The following SLC25A37 variants were observed in gnomAD, a reference collection of about 807,000 sequenced individuals.
SLC25A37 encodes the protein solute carrier family 25 member 37, also known as mitoferrin-1.
In SLC25A37, 17 loss-of-function variants were observed where a neutral mutation model predicts 31.0. The observed-to-expected ratio is 0.55, with a 90% confidence interval of 0.38 to 0.82. SLC25A37 has a LOEUF of 0.82. Ranked by LOEUF, SLC25A37 falls within the 40% of genes least tolerant of loss-of-function variation. The probability of loss-of-function intolerance (pLI) is 0.00; values close to 1 mark genes in which losing one functional copy is unlikely to be tolerated. For missense variants in SLC25A37, 404 were observed against 465.8 expected, an observed-to-expected ratio of 0.87 and a Z score of 1.22; for synonymous variants, 222 against 193.0, an observed-to-expected ratio of 1.15 and a Z score of -1.24.
chr8:23,557,074 C>A (rs577825100), intron 1 of SLC25A37, among the ~76,000 whole-genome samples: 72 of 152,112 alleles, frequency 4.7e-4, no homozygotes, highest in Admixed American at 4.3e-3. Context: ...TGGTCTCGAA[C>A]CCCTGACCTC....
chr8:23,575,181 C>T lies in SLC25A37; in HGVS notation c.*3326C>T, dbSNP rs767758616. ...CTGCATCTCCAACACATTGTTATGC[C>T]AATAAGGTTTTATTTAACTTTATTT... is the stretch of plus-strand genomic sequence containing the variant. On this transcript the variant is annotated 3_prime_UTR_variant, in exon 4 of 4. Coordinates refer to ENST00000519973, the MANE Select transcript of SLC25A37 (RefSeq NM_016612.4). 6.6e-6 allele frequency: 1 copy of T among 152,152 alleles called. No homozygotes were observed. The highest frequency in any genetic ancestry group is 1.5e-5 in the Non-Finnish European group (1 of 68,024). The allele number at this position is 152,152 out of a possible 1,614,324, so 9.4% of individuals were successfully genotyped here. A position where few individuals can be genotyped will look rare whatever the true frequency, so the allele number is the denominator to read the frequency against.
chr8:23,543,664 TG>T (rs1329631513), intron 1 of SLC25A37, among the ~76,000 whole-genome samples: 3 of 152,160 alleles, frequency 2.0e-5, no homozygotes, highest in Non-Finnish European at 4.4e-5. Context: ...CTTCCCGAGT[TG>T]CTGGGACTAC....
Position 23,566,072 on chromosome 8 carries a change from T to A in SLC25A37, c.211-36T>A, listed in dbSNP as rs763595256. 2.6e-6 allele frequency: 4 copies of A among 1,544,886 alleles called. No individual in the cohort carries two copies. The South Asian group carries it at 5.2e-5, about 20-fold the overall frequency. ...CCTTCTTTACCATCCTGATTAACTCTATTTTTGTTTGTTTTCTCTTCTTGC... is the reference window on the plus strand; with the variant it reads ...CCTTCTTTACCATCCTGATTAACTCAATTTTTGTTTGTTTTCTCTTCTTGC... On this transcript the variant is annotated intron_variant, in intron 1 of 3. Coordinates refer to ENST00000519973, the MANE Select transcript of SLC25A37 (RefSeq NM_016612.4).
At chr8:23,537,400 G>A (rs148726674) in intron 1 of SLC25A37, among the ~76,000 whole-genome samples, 251 of 152,248 alleles carry the variant, frequency 1.6e-3, no homozygotes, top group African/African-American at 5.6e-3. Context: ...TAGGCCCCAA[G>A]TGGGCAGGGA....
chr8:23,536,489 A>G (rs920903554), intron 1 of SLC25A37, among the ~76,000 whole-genome samples: 10 of 151,622 alleles, frequency 6.6e-5, no homozygotes. Flanking sequence ...TGCGATCCTC[A>G]GTTTTCCTCT....
At chr8:23,553,601 G>A (rs1304296478) in intron 1 of SLC25A37, among the ~76,000 whole-genome samples, 1 of 152,308 alleles carries the variant, frequency 6.6e-6, no homozygotes, top group African/African-American at 2.4e-5. Flanking sequence ...TGAAAGCACC[G>A]TGACTGTTGG....
intron 1 of SLC25A37, among the ~76,000 whole-genome samples, chr8:23,561,548 A>C (rs1364900917): frequency 6.6e-6 from 1 of 152,188 alleles, no homozygotes; most frequent in Admixed American, 6.5e-5. Context: ...AAGGTTAAGG[A>C]ACCTGCTTGA....
intron 1 of SLC25A37, among the ~76,000 whole-genome samples, chr8:23,549,785 T>G (rs1802173142): frequency 9.8e-6 from 1 of 102,206 alleles, no homozygotes. Context: ...ATTTGCCCCC[T>G]GGCATCTCTA....
intron 1 of SLC25A37, among the ~76,000 whole-genome samples, chr8:23,544,345 G>A (rs954405258): frequency 6.6e-6 from 1 of 152,164 alleles, no homozygotes; most frequent in South Asian, 2.1e-4. Context: ...ACTCTGTGAT[G>A]TTCACAGAAG....
chr8:23,534,319 A>G (rs1801721423), intron 1 of SLC25A37, among the ~76,000 whole-genome samples: 1 of 152,088 alleles, frequency 6.6e-6, no homozygotes, highest in Non-Finnish European at 1.5e-5. Context: ...GTTCCTACTG[A>G]GATGGATTTC....
At chr8:23,536,273 G>C (rs1801765955) in intron 1 of SLC25A37, among the ~76,000 whole-genome samples, 1 of 152,074 alleles carries the variant, frequency 6.6e-6, no homozygotes, top group South Asian at 2.1e-4. Flanking sequence ...TAAACAAACT[G>C]TTGCCCCTTT....
At position 23,571,617 on chromosome 8, in the gene SLC25A37, C is replaced by T; in HGVS notation, c.779C>T (p.Thr260Ile). 1 of 1,613,938 alleles carries T rather than the reference C, an allele frequency of 6.2e-7. No individual in the cohort carries two copies. The highest frequency in any genetic ancestry group is 8.5e-7 in the Non-Finnish European group (1 of 1,179,862). Residue 260 changes from threonine (T) to isoleucine (I), a missense_variant, in exon 4 of 4, where the codon ACC (threonine) becomes ATC (isoleucine). Around this residue, in one of 3 missense-constraint regions of SLC25A37, gnomAD observed 243 missense variants for 284.4 expected, o/e 0.85. Transcript: ENST00000519973. ...AATTPLDVCK[T>I]LLNTQENVAL... ...ACGACCCCCCTGGACGTCTGTAAGACCCTTCTGAACACTCAGGAGAACGTG... is the reference window on the plus strand; with the variant it reads ...ACGACCCCCCTGGACGTCTGTAAGATCCTTCTGAACACTCAGGAGAACGTG...
chr8:23,563,039 G>C lies in SLC25A37; in HGVS notation c.211-3069G>C, dbSNP rs113649525. On this transcript the variant is annotated intron_variant, in intron 1 of 3. Coordinates refer to ENST00000519973, the MANE Select transcript of SLC25A37 (RefSeq NM_016612.4). Reference sequence around the variant, plus strand: ...TGGCATGGTGTGTACATCTTCATTCGTTTGGTCTGGCCAACAGCCACTCGG... The same window carrying C: ...TGGCATGGTGTGTACATCTTCATTCCTTTGGTCTGGCCAACAGCCACTCGG... Among the ~76,000 whole-genome samples the C allele has an allele frequency of 1.3e-4, 20 of 152,256 alleles. No individual in the cohort carries two copies. The South Asian group carries it at 3.7e-3, about 28-fold the overall frequency.
At position 23,529,292 on chromosome 8, in the gene SLC25A37, C is replaced by T; in HGVS notation, c.210+80C>T. 7.2e-7 allele frequency: 1 copy of T among 1,397,238 alleles called. No homozygotes were observed. Among genetic ancestry groups the T allele is most frequent in the East Asian group, 2.7e-5 (1 of 36,462 alleles). 86.6% of individuals were successfully genotyped at this position (1,397,238 alleles called of 1,614,324 possible). ...GCATTTGCATCCCGCGCGCCGGCAG[C>T]CTCGGGGCAGCGTCCCGAAACCGAG... On this transcript the variant is annotated intron_variant, in intron 1 of 3. Transcript: ENST00000519973. The surrounding 1 kb of genome is among the most constrained non-coding windows in gnomAD (Gnocchi z 4.1).
intron 1 of SLC25A37, among the ~76,000 whole-genome samples, chr8:23,530,720 T>C (rs1585438153): frequency 6.6e-6 from 1 of 152,250 alleles, no homozygotes; most frequent in African/African-American, 2.4e-5. Flanking sequence ...TGGGGAAAGT[T>C]AGGAGCAGGG....
chr8:23,569,668 T>C (rs1207986373), intron 3 of SLC25A37, among the ~76,000 whole-genome samples: 1 of 152,246 alleles, frequency 6.6e-6, no homozygotes, highest in Non-Finnish European at 1.5e-5. Flanking sequence ...TTCCACATTA[T>C]CTTCTTTTTG....
intron 1 of SLC25A37, among the ~76,000 whole-genome samples, chr8:23,563,678 G>A (rs879371653): frequency 2.0e-5 from 3 of 152,162 alleles, no homozygotes; most frequent in Non-Finnish European, 4.4e-5. Context: ...GCAGAGTAGC[G>A]AGTTTTTAAT....
intron 1 of SLC25A37, among the ~76,000 whole-genome samples, chr8:23,556,736 A>G (rs187032203): frequency 5.2e-4 from 79 of 152,280 alleles, no homozygotes; most frequent in African/African-American, 1.8e-3. Flanking sequence ...TGGAAACTTC[A>G]ACTTAGGGAT....
At chr8:23,556,029 A>G (rs1165982994) in intron 1 of SLC25A37, among the ~76,000 whole-genome samples, 3 of 152,120 alleles carry the variant, frequency 2.0e-5, no homozygotes, top group African/African-American at 4.8e-5. Context: ...CCAAAATGGT[A>G]GTTTTCACCA....
Sources: gnomAD v4.1 joint callset for allele counts (sites outside exome capture counted in the v4.1 genomes callset) on GRCh38, gnomAD v4.1.1 for gene constraint, gnomAD v4.1.1 regional missense constraint, Gnocchi (gnomAD v3.1) non-coding constraint, MANE v1.5 for transcripts, NCBI Gene and HGNC (gene_info 2026-07-23, HGNC 2026-07-21) for gene names.